Variants in EIF5A2 observed in about 807,000 individuals in gnomAD.
EIF5A2 encodes the protein eukaryotic translation initiation factor 5A2.
EIF5A2 carries 15 observed loss-of-function variants against 16.4 expected under a neutral mutation model. The observed-to-expected ratio is 0.92, with a 90% confidence interval of 0.61 to 1.41. EIF5A2 has a LOEUF of 1.41. EIF5A2 is among the 40% of genes most tolerant of loss of function. The pLI is 0.00. For missense variants in EIF5A2, 144 were observed against 189.5 expected (o/e 0.76, Z 1.41); for synonymous variants, 48 against 61.1 (o/e 0.79, Z 1.00).
intron 3 of EIF5A2, among the ~76,000 whole-genome samples, chr3:170,903,192 G>A (rs572776153): frequency 6.6e-6 from 1 of 152,248 alleles, no homozygotes; most frequent in Admixed American, 6.5e-5. Context: ...TGCCTGCAGT[G>A]CTTCTGCTAA....
chr3:170,902,110 G>GT (rs1181004261), intron 3 of EIF5A2, among the ~76,000 whole-genome samples: 4 of 152,198 alleles, frequency 2.6e-5, no homozygotes, highest in Non-Finnish European at 5.9e-5. Context: ...GTACAAACAA[G>GT]TTGTATAAGA....
chr3:170,906,464 T>A (rs1480779773), intron 3 of EIF5A2, among the ~76,000 whole-genome samples: 1 of 152,192 alleles, frequency 6.6e-6, no homozygotes, highest in East Asian at 1.9e-4. Context: ...TTCTTCACCA[T>A]ACTCAGTGAC....
intron 3 of EIF5A2, among the ~76,000 whole-genome samples, chr3:170,902,607 C>CTTTTT (rs1178996738): frequency 2.9e-5 from 3 of 102,246 alleles, no homozygotes; most frequent in Non-Finnish European, 6.0e-5. Flanking sequence ...AGAAGCCTTC[C>CTTTTT]TTTTTTTTTT....
At position 170,907,039 on chromosome 3, in the gene EIF5A2, G is replaced by A; in HGVS notation, c.220C>T (p.Pro74Ser). 1 of 1,612,646 alleles carries A rather than the reference G, an allele frequency of 6.2e-7. No individual in the cohort carries two copies. Among genetic ancestry groups the A allele is most frequent in the Non-Finnish European group, 8.5e-7 (1 of 1,179,314 alleles). ...FTGKKYEDIC[P>S]STHNMDVPNI... is the part of the protein sequence containing the mutation. ...GGAACATCCATGTTGTGAGTAGAAG[G>A]ACAAATATCTTCATATTTTTTGCCC... The change falls in exon 3 of 5, where the codon CCT (proline) becomes TCT (serine). Residue 74 changes from proline to serine, a missense_variant. Transcript: ENST00000295822.
intron 3 of EIF5A2, among the ~76,000 whole-genome samples, chr3:170,904,928 C>T (rs1056405750): frequency 1.3e-5 from 2 of 152,104 alleles, no homozygotes; most frequent in Non-Finnish European, 2.9e-5. Flanking sequence ...AACTTGTCAA[C>T]CAAGGTCACA....
At position 170,893,898 on chromosome 3, in the gene EIF5A2, T is replaced by C. The variant is rs571032429; in HGVS notation, c.402+394A>G. On this transcript the variant is annotated intron_variant, in intron 4 of 4. Coordinates refer to ENST00000295822, the MANE Select transcript of EIF5A2 (RefSeq NM_020390.6). ...AAATACAAAAATTAGCCAGATGTGG[T>C]GGCACGCGCCTGCAATCCCAGCTAC... Among the ~76,000 whole-genome samples the C allele has an allele frequency of 4.5e-3, 692 of 152,252 alleles. 3 individuals are homozygous for C. Among genetic ancestry groups the C allele is most frequent in the Non-Finnish European group, 7.1e-3 (481 of 68,010 alleles).
At chr3:170,905,655 C>G (rs1032100337) in intron 3 of EIF5A2, among the ~76,000 whole-genome samples, 1 of 152,124 alleles carries the variant, frequency 6.6e-6, no homozygotes, top group Non-Finnish European at 1.5e-5. Flanking sequence ...AAAGTTGGTG[C>G]TCCAACAATA....
chr3:170,904,915 A>G lies in EIF5A2; in HGVS notation c.270+2074T>C, dbSNP rs1329110034. On this transcript the variant is annotated intron_variant, in intron 3 of 4. Transcript: ENST00000295822. ...AAAGAAATGGAAGCAAAACAGGTTA[A>G]GTAACTTGTCAACCAAGGTCACACA... is the stretch of plus-strand genomic sequence containing the variant. Among the ~76,000 whole-genome samples, 4 of 152,326 alleles carry G rather than the reference A, an allele frequency of 2.6e-5. No homozygotes were observed. The East Asian group carries it at 7.7e-4, about 29-fold the overall frequency.
At chr3:170,894,529 T>C in intron 3 of EIF5A2, 106 bp from the exon 4 acceptor site, 1 of 777,448 alleles carries the variant, frequency 1.3e-6, no homozygotes, top group East Asian at 3.0e-5. Context: ...AAGTATACAG[T>C]AATATATTAA....
At chr3:170,903,484 G>A (rs1434682526) in intron 3 of EIF5A2, among the ~76,000 whole-genome samples, 1 of 152,082 alleles carries the variant, frequency 6.6e-6, no homozygotes, top group Non-Finnish European at 1.5e-5. Context: ...TTTCCTATAG[G>A]TAGAATACAC....
intron 3 of EIF5A2, among the ~76,000 whole-genome samples, chr3:170,904,506 G>A (rs1473717787): frequency 6.6e-6 from 1 of 152,052 alleles, no homozygotes; most frequent in African/African-American, 2.4e-5. Flanking sequence ...CAGAACTTTT[G>A]TTTTTGAGAC....
chr3:170,902,662 G>A (rs1159137382), intron 3 of EIF5A2, among the ~76,000 whole-genome samples: 1 of 146,862 alleles, frequency 6.8e-6, no homozygotes, highest in Non-Finnish European at 1.5e-5. Context: ...AGGCTGGAGT[G>A]CAATGGCGGG....
At position 170,890,122 on chromosome 3, in the gene EIF5A2, C is replaced by T. The variant is rs527752025; in HGVS notation, c.*3238G>A. ...AAATTACAGCTCAACTAGAAATATT[C>T]TAATTGAGAAACCTTAAAGTACAAA... On this transcript the variant is annotated 3_prime_UTR_variant, in exon 5 of 5. Coordinates refer to ENST00000295822, the MANE Select transcript of EIF5A2 (RefSeq NM_020390.6). 1 of 151,960 alleles carries T rather than the reference C, an allele frequency of 6.6e-6. No homozygotes were observed. Among genetic ancestry groups the T allele is most frequent in the African/African-American group, 2.4e-5 (1 of 41,362 alleles). The allele number at this position is 151,960 out of a possible 1,614,324, so 9.4% of individuals were successfully genotyped here.
rs1712981962 is a variant in EIF5A2 at position 170,907,883 on chromosome 3, T to C, written c.-35-42A>G. ...TGTTTGCTTTTTAACAACGGGTATG[T>C]AGGCAGGGAAACGTCTCATTTCGGA... On this transcript the variant is annotated intron_variant, in intron 1 of 4. Transcript: ENST00000295822. The C allele has an allele frequency of 3.6e-6, 5 of 1,403,924 alleles. No individual in the cohort carries two copies. In the East Asian group the frequency reaches 1.2e-4, roughly 33 times the overall value. 87.0% of individuals were successfully genotyped at this position (1,403,924 alleles called of 1,614,324 possible).
At chr3:170,908,393 C>G (rs1249723289) in intron 1 of EIF5A2, 150 bp downstream of exon 1, 1 of 152,776 alleles carries the variant, frequency 6.5e-6, no homozygotes, top group East Asian at 1.9e-4. Flanking sequence ...GGCCTGAGCC[C>G]CGGCGGGTCC....
intron 3 of EIF5A2, among the ~76,000 whole-genome samples, chr3:170,903,736 AT>A (rs1410061456): frequency 1.3e-5 from 2 of 152,210 alleles, no homozygotes; most frequent in Non-Finnish European, 2.9e-5. Context: ...TATACTACTT[AT>A]TTGAATTCAA....
intron 4 of EIF5A2, 53 bp from the exon 5 acceptor site, chr3:170,893,472 G>A (rs1210970764): frequency 1.7e-5 from 27 of 1,572,148 alleles, no homozygotes; most frequent in Non-Finnish European, 1.7e-6. Context: ...ACATATAGAA[G>A]ATATAATTAG....
chr3:170,907,635 T>TACTTAC lies in EIF5A2; in HGVS notation c.165+1_165+6dup. On this transcript the variant is annotated splice_region_variant and intron_variant, in intron 2 of 4. Coordinates refer to ENST00000295822, the MANE Select transcript of EIF5A2 (RefSeq NM_020390.6). ...GAAGCCAAAGCCTGATCTGCAAGGG[T>TACTTAC]ACTTACCTTGGCATGACCATGCTTT... is the stretch of plus-strand genomic sequence containing the variant. The TACTTAC allele has an allele frequency of 6.3e-7, 1 of 1,586,572 alleles. No individual in the cohort carries two copies. The highest frequency in any genetic ancestry group is 8.6e-7 in the Non-Finnish European group (1 of 1,158,112).
In EIF5A2 at chr3:170,894,458, G is replaced by T. The variant is rs758650094; in HGVS notation, c.271-35C>A. 5 of 1,603,948 alleles carry T rather than the reference G, an allele frequency of 3.1e-6. No homozygotes were observed. The African/African-American group carries it at 6.7e-5, about 21-fold the overall frequency. ...GAAATTATATCATTTGTGCTGATTA[G>T]ATTATATCCACTTCTGTGTAATGCT... On this transcript the variant is annotated intron_variant, in intron 3 of 4. Transcript: ENST00000295822.
Sources: allele counts gnomAD v4.1 joint callset (sites outside exome capture counted in the v4.1 genomes callset), GRCh38; gene constraint gnomAD v4.1.1; transcripts MANE v1.5; gene names NCBI Gene and HGNC (gene_info 2026-07-23, HGNC 2026-07-21).